The following METTL24 variants were observed in gnomAD, a reference collection of about 807,000 sequenced individuals.
The protein encoded by METTL24 is probable methyltransferase-like protein 24.
Under a neutral mutation model 32.7 loss-of-function variants are expected in METTL24, and 29 were observed. The observed-to-expected ratio is 0.89, with a 90% CI of 0.66 to 1.21. The LOEUF (loss-of-function observed/expected upper bound fraction) is 1.21. Among genes scored for constraint, METTL24 ranks in the 50% most tolerant of loss-of-function variants. The pLI is 0.00. For missense variants in METTL24, 439 were observed against 468.1 expected, an observed-to-expected ratio of 0.94 and a Z score of 0.57; for synonymous variants, 163 against 179.5, an observed-to-expected ratio of 0.91 and a Z score of 0.73.
At chr6:110,338,854 A>G (rs1772291770) in intron 1 of METTL24, among the ~76,000 whole-genome samples, 1 of 152,214 alleles carries the variant, frequency 6.6e-6, no homozygotes, top group Non-Finnish European at 1.5e-5. Flanking sequence ...GACTGTTTGT[A>G]TGTAACCTTG....
intron 4 of METTL24, among the ~76,000 whole-genome samples, chr6:110,284,168 T>G (rs771061854): frequency 1.8e-4 from 28 of 152,114 alleles, no homozygotes; most frequent in African/African-American, 2.4e-4. Context: ...TTAGGCAAAT[T>G]CATAGAGACA....
chr6:110,343,845 T>C (rs948307191), intron 1 of METTL24, among the ~76,000 whole-genome samples: 2 of 152,160 alleles, frequency 1.3e-5, no homozygotes, highest in African/African-American at 2.4e-5. Context: ...GTCTGGAAGA[T>C]TAGAGAAGCG....
chr6:110,281,441 G>C (rs1455833894), intron 4 of METTL24, among the ~76,000 whole-genome samples: 3 of 151,896 alleles, frequency 2.0e-5, no homozygotes, highest in Non-Finnish European at 4.4e-5. Flanking sequence ...AGAAGTTCGA[G>C]ACCAGCCCAG....
At chr6:110,270,837 CTTTTTTTTT>C (rs3075091) in intron 4 of METTL24, among the ~76,000 whole-genome samples, 85 of 124,730 alleles carry the variant, frequency 6.8e-4, no homozygotes, top group Non-Finnish European at 1.3e-3. Context: ...CATCTTGATT[CTTTTTTTTT>C]TTTTTTTTTG....
intron 1 of METTL24, among the ~76,000 whole-genome samples, chr6:110,340,050 A>G (rs1772321414): frequency 2.0e-5 from 3 of 152,350 alleles, no homozygotes; most frequent in Admixed American, 2.0e-4. Flanking sequence ...TTAACAGCAT[A>G]GAACAGGCAC....
intron 3 of METTL24, among the ~76,000 whole-genome samples, chr6:110,311,682 C>T (rs988960981): frequency 2.6e-5 from 4 of 151,998 alleles, no homozygotes; most frequent in Admixed American, 2.6e-4. Context: ...CCATGTTGGC[C>T]AGGCTTGTCT....
chr6:110,298,007 G>A lies in METTL24; in HGVS notation c.786+915C>T, dbSNP rs116046703. On this transcript the variant is annotated intron_variant, in intron 4 of 4. Coordinates refer to ENST00000338882, the MANE Select transcript of METTL24 (RefSeq NM_001123364.3). ...GATGAAGAAAGGAGGCAGAGAAAAG[G>A]GAGGAAGAGGGGAGGAGGAGGAGGA... Among the ~76,000 whole-genome samples, 1,036 of 152,180 alleles carry A rather than the reference G, an allele frequency of 6.8e-3. 9 individuals carry two copies. Among genetic ancestry groups the A allele is most frequent in the African/African-American group, 0.024 (984 of 41,522 alleles).
intron 4 of METTL24, among the ~76,000 whole-genome samples, chr6:110,258,006 G>T (rs2114696661): frequency 6.6e-6 from 1 of 152,292 alleles, no homozygotes; most frequent in Admixed American, 6.5e-5. Context: ...CAGGCAGGTT[G>T]TTTAGACCCT....
rs373898198 is a variant in METTL24 at position 110,246,147 on chromosome 6, G to T, written c.900C>A (p.His300Gln). The change falls in exon 5 of 5, where the codon CAC (histidine) becomes CAA (glutamine). Residue 300 changes from histidine (H) to glutamine (Q), a missense_variant. Transcript: ENST00000338882. ...IGQLIFEIHLHWPGFEVSGSD... is the reference protein window; with the variant it reads ...IGQLIFEIHLQWPGFEVSGSD... The stretch of plus-strand genomic sequence containing the variant: ...TGCCACTGACCTCAAACCCAGGCCA[G>T]TGGAGATGGATCTCAAAGATGAGCT... 1 of 1,614,060 alleles carries T rather than the reference G, an allele frequency of 6.2e-7. No individual in the cohort carries two copies. The highest frequency in any genetic ancestry group is 1.3e-5 in the African/African-American group (1 of 74,922).
rs547612385 is a variant in METTL24 at position 110,324,299 on chromosome 6, T to C, written c.319-1427A>G. Among the ~76,000 whole-genome samples, 5 of 152,280 alleles carry C rather than the reference T, an allele frequency of 3.3e-5. No individual in the cohort carries two copies. In the East Asian group the frequency reaches 9.7e-4, roughly 29 times the overall value. On this transcript the variant is annotated intron_variant, in intron 1 of 4. Coordinates refer to ENST00000338882, the MANE Select transcript of METTL24 (RefSeq NM_001123364.3). ...ATCCCCACAGCCTGTACTACCCTTGTGGGGGCTGAGCCTCACGCAGTCCCT... is the reference window on the plus strand; with the variant it reads ...ATCCCCACAGCCTGTACTACCCTTGCGGGGGCTGAGCCTCACGCAGTCCCT...
intron 1 of METTL24, among the ~76,000 whole-genome samples, chr6:110,348,392 T>C (rs1460686811): frequency 1.3e-5 from 2 of 152,204 alleles, no homozygotes; most frequent in African/African-American, 4.8e-5. Context: ...TGTAAAACCA[T>C]GTAAACAGGA....
At chr6:110,294,877 A>T (rs757127127) in intron 4 of METTL24, among the ~76,000 whole-genome samples, 4 of 152,130 alleles carry the variant, frequency 2.6e-5, no homozygotes, top group Non-Finnish European at 5.9e-5. Context: ...TTCCATTTCC[A>T]GCAGCAAAGT....
chr6:110,308,908 C>T lies in METTL24; in HGVS notation c.557+6434G>A, dbSNP rs111971658. Among the ~76,000 whole-genome samples the T allele has an allele frequency of 4.6e-3, 693 of 152,190 alleles. 8 individuals are homozygous for T. The highest frequency in any genetic ancestry group is 0.016 in the African/African-American group (674 of 41,516). On this transcript the variant is annotated intron_variant, in intron 3 of 4. Transcript: ENST00000338882. ...AATGTCCAGAATGGGTGAATCTACA[C>T]AAACAGAAAATAGAATAGTGATTGC...
intron 4 of METTL24, among the ~76,000 whole-genome samples, chr6:110,275,351 GC>G (rs1251324381): frequency 6.6e-6 from 1 of 151,946 alleles, no homozygotes; most frequent in East Asian, 1.9e-4. Context: ...CTCTGTGCCA[GC>G]CATGCTGAGT....
intron 1 of METTL24, among the ~76,000 whole-genome samples, chr6:110,336,966 G>T (rs1772247925): frequency 6.6e-6 from 1 of 152,090 alleles, no homozygotes; most frequent in Non-Finnish European, 1.5e-5. Context: ...AAAGACACAT[G>T]CACGTGAATG....
chr6:110,315,164 C>T (rs547844464), intron 3 of METTL24, among the ~76,000 whole-genome samples, 178 bp downstream of exon 3: 3 of 152,172 alleles, frequency 2.0e-5, no homozygotes, highest in East Asian at 3.9e-4. Flanking sequence ...AAGGAGACCT[C>T]GGTGATCCAT....
At chr6:110,308,830 G>A (rs1308554920) in intron 3 of METTL24, among the ~76,000 whole-genome samples, 1 of 152,168 alleles carries the variant, frequency 6.6e-6, no homozygotes, top group African/African-American at 2.4e-5. Flanking sequence ...ATTATGCTAA[G>A]TGAAACAAGC....
At chr6:110,335,051 C>T (rs1168585947) in intron 1 of METTL24, among the ~76,000 whole-genome samples, 4 of 152,200 alleles carry the variant, frequency 2.6e-5, no homozygotes, top group Admixed American at 1.3e-4. Context: ...CAGGCAGAGT[C>T]GACTGGACTC....
At chr6:110,267,797 T>C (rs75669836) in intron 4 of METTL24, among the ~76,000 whole-genome samples, 26,561 of 152,162 alleles carry the variant, frequency 0.17, 2,806 homozygotes, top group African/African-American at 0.3. Context: ...CTGTGAGGGC[T>C]GCAGGAAACT....
Sources: allele counts gnomAD v4.1 joint callset (sites outside exome capture counted in the v4.1 genomes callset), GRCh38; gene constraint gnomAD v4.1.1; transcripts MANE v1.5; gene names NCBI Gene and HGNC (gene_info 2026-07-23, HGNC 2026-07-21).